MYO1H: variants seen among roughly 807,000 people sequenced by gnomAD.
The protein encoded by MYO1H is myosin IH.
A neutral mutation model predicts 149.3 loss-of-function variants in MYO1H; 118 were observed. That is an observed-to-expected ratio of 0.79 (90% CI 0.68 to 0.92). MYO1H has a LOEUF of 0.92. MYO1H is among the 40% of genes least tolerant of loss of function. The pLI, the probability that MYO1H is intolerant of heterozygous loss-of-function variation, is 0.00. For synonymous variants in MYO1H, 447 were observed against 465.2 expected (o/e 0.96, Z 0.50); for missense variants, 1,212 against 1,280.7 (o/e 0.95, Z 0.82).
At chr12:109,363,180 T>G (rs1868790298) in intron 1 of MYO1H, among the ~76,000 whole-genome samples, 1 of 152,248 alleles carries the variant, frequency 6.6e-6, no homozygotes, top group Non-Finnish European at 1.5e-5. Context: ...TACATGCTAG[T>G]TAAATGGTAA....
chr12:109,399,947 C>T (rs947549032), intron 5 of MYO1H, among the ~76,000 whole-genome samples: 2 of 152,126 alleles, frequency 1.3e-5, no homozygotes, highest in African/African-American at 2.4e-5. Context: ...GCTTTTCCTG[C>T]CCTTCCCCAA....
intron 14 of MYO1H, among the ~76,000 whole-genome samples, chr12:109,414,574 A>G (rs1870822628): frequency 6.6e-6 from 1 of 152,146 alleles, no homozygotes; most frequent in African/African-American, 2.4e-5. Context: ...CATTATAAAA[A>G]TATAAGATTT....
intron 2 of MYO1H, among the ~76,000 whole-genome samples, chr12:109,392,658 A>G (rs1030350056): frequency 1.3e-5 from 2 of 151,568 alleles, no homozygotes; most frequent in Admixed American, 6.6e-5. Flanking sequence ...AGAGGTTGCA[A>G]TGAGCCGAGA....
chr12:109,386,487 T>A (rs148362098), intron 1 of MYO1H, among the ~76,000 whole-genome samples: 38 of 152,388 alleles, frequency 2.5e-4, no homozygotes, highest in African/African-American at 9.1e-4. Flanking sequence ...GAGAGAATTC[T>A]GTCTGCTCCG....
exon 5 of MYO1H, chr12:109,397,810 C>G (rs1031066674): frequency 6.2e-7 from 1 of 1,606,724 alleles, no homozygotes. Flanking sequence ...ATTTGATTTT[C>G]AGGTACACTG....
intron 20 of MYO1H, among the ~76,000 whole-genome samples, chr12:109,433,265 T>C (rs1871717243): frequency 1.3e-5 from 2 of 152,176 alleles, no homozygotes. Context: ...GCCTCCTTGC[T>C]AGCAAAACAA....
chr12:109,334,546 A>G, the MYO1H span, among the ~76,000 whole-genome samples: 1 of 152,202 alleles, frequency 6.6e-6, no homozygotes, highest in Non-Finnish European at 1.5e-5. Context: ...AGCATCTAGG[A>G]AAGCCAGGAC....
chr12:109,431,838 C>G (rs1334511508), intron 19 of MYO1H, among the ~76,000 whole-genome samples: 2 of 152,030 alleles, frequency 1.3e-5, no homozygotes, highest in Non-Finnish European at 2.9e-5. Flanking sequence ...CCCTTTCTTT[C>G]TCTTCTCTAC....
intron 1 of MYO1H, among the ~76,000 whole-genome samples, chr12:109,382,491 C>G (rs1869222351): frequency 6.6e-6 from 1 of 151,854 alleles, no homozygotes; most frequent in Non-Finnish European, 1.5e-5. Context: ...TTGAGCAAAC[C>G]AATTGTAAAA....
chr12:109,416,922 G>C (rs1483283817), intron 15 of MYO1H, among the ~76,000 whole-genome samples: 2 of 152,170 alleles, frequency 1.3e-5, no homozygotes, highest in South Asian at 4.2e-4. Flanking sequence ...CAGGAGAATC[G>C]CTTGAACCTG....
Position 109,373,247 on chromosome 12 carries a change from G to A in MYO1H, c.13-15436G>A, listed in dbSNP as rs140603217. 6.2e-3 allele frequency among the ~76,000 whole-genome samples: 940 copies of A among 152,128 alleles called. 1 individual carries two copies. Among genetic ancestry groups the A allele is most frequent in the African/African-American group, 7.6e-3 (314 of 41,532 alleles). On this transcript the variant is annotated intron_variant, in intron 1 of 31. Coordinates refer to ENST00000310903, the Ensembl canonical transcript of MYO1H. ...ATTGGCCAGTACTTCGAATTAGGAC[G>A]ATAAAGAAAACTTACGTCTTTTTCT...
intron 1 of MYO1H, among the ~76,000 whole-genome samples, chr12:109,380,384 A>G (rs940192412): frequency 3.3e-5 from 5 of 152,208 alleles, no homozygotes; most frequent in African/African-American, 1.2e-4. Flanking sequence ...AAATGAAAAA[A>G]AAATGTACAT....
intron 23 of MYO1H, among the ~76,000 whole-genome samples, chr12:109,439,002 G>A (rs556727377): frequency 1.3e-5 from 2 of 152,350 alleles, no homozygotes; most frequent in South Asian, 2.1e-4. Flanking sequence ...TACTGCTGCT[G>A]TGGGGAAATG....
At chr12:109,423,590 C>T (rs560127182) in intron 16 of MYO1H, among the ~76,000 whole-genome samples, 12 of 152,330 alleles carry the variant, frequency 7.9e-5, no homozygotes, top group African/African-American at 2.4e-4. Context: ...AACTGCTCTC[C>T]GTTCCCCCTC....
chr12:109,352,555 C>G (rs1199998218), intron 1 of MYO1H, among the ~76,000 whole-genome samples: 1 of 152,210 alleles, frequency 6.6e-6, no homozygotes, highest in Non-Finnish European at 1.5e-5. Flanking sequence ...TTATAGACAT[C>G]TCTTGAGCCT....
At chr12:109,389,474 A>AAGG (rs1869541409) in intron 2 of MYO1H, among the ~76,000 whole-genome samples, 1 of 152,112 alleles carries the variant, frequency 6.6e-6, no homozygotes, top group African/African-American at 2.4e-5. Flanking sequence ...GGGTTCCCCA[A>AAGG]AGGACTCTGT....
chr12:109,335,686 A>G, the MYO1H span, among the ~76,000 whole-genome samples: 1 of 152,172 alleles, frequency 6.6e-6, no homozygotes, highest in South Asian at 2.1e-4. Flanking sequence ...CATTTTTTAT[A>G]ATATTCAGTC....
chr12:109,359,018 C>A (rs1868677346), intron 1 of MYO1H, among the ~76,000 whole-genome samples: 1 of 151,936 alleles, frequency 6.6e-6, no homozygotes, highest in African/African-American at 2.4e-5. Flanking sequence ...TGATGTATAG[C>A]AAGTGTTTCA....
chr12:109,425,872 A>G (rs1291694422), intron 17 of MYO1H, 74 bp from the exon 18 acceptor site: 10 of 1,081,102 alleles, frequency 9.2e-6, no homozygotes, highest in Non-Finnish European at 1.4e-5. Flanking sequence ...AGCCCTGGCC[A>G]GTCTTTTTGT....
Sources: allele counts gnomAD v4.1 joint callset (sites outside exome capture counted in the v4.1 genomes callset), GRCh38; gene constraint gnomAD v4.1.1; transcripts MANE v1.5; gene names NCBI Gene and HGNC (gene_info 2026-07-23, HGNC 2026-07-21).